Variants in CDKN2A observed in about 807,000 individuals in gnomAD.
The protein encoded by CDKN2A is cyclin-dependent kinase inhibitor 2A.
In CDKN2A, 3 loss-of-function variants were observed where a neutral mutation model predicts 11.1. The ratio of observed to expected loss-of-function variants is 0.27; its 90% confidence interval spans 0.12 to 0.70. CDKN2A has a LOEUF of 0.70. Ranked by LOEUF, CDKN2A falls within the 30% of genes least tolerant of loss-of-function variation. The probability of loss-of-function intolerance (pLI) is 0.77; values close to 1 mark genes in which losing one functional copy is unlikely to be tolerated. For missense variants in CDKN2A, 265 were observed against 233.6 expected (o/e 1.13, Z -0.88); for synonymous variants, 122 against 108.1 (o/e 1.13, Z -0.80).
chr9:21,991,692 T>A lies in CDKN2A; in HGVS notation c.-4+2190A>T, dbSNP rs1390698539. 2 of 983,370 alleles carry A rather than the reference T, an allele frequency of 2.0e-6. No individual in the cohort carries two copies. The highest frequency in any genetic ancestry group is 3.5e-5 in the African/African-American group (2 of 57,292). 60.9% of individuals were successfully genotyped at this position (983,370 alleles called of 1,614,324 possible). ...CGTGGAATAATAGATCTGTAAACCATCATAGACGGTAATAGGCTATGTTGT... is the reference window on the plus strand; with the variant it reads ...CGTGGAATAATAGATCTGTAAACCAACATAGACGGTAATAGGCTATGTTGT... On this transcript the variant is annotated intron_variant, in intron 2 of 3. Coordinates refer to the CDKN2A transcript ENST00000494262. The surrounding 1 kb of genome is among the most constrained non-coding windows in gnomAD (Gnocchi z 5.2).
In CDKN2A at chr9:21,991,060, A is replaced by T. The variant is rs186493097; in HGVS notation, c.-4+2822T>A. 6.6e-4 allele frequency among the ~76,000 whole-genome samples: 101 copies of T among 152,330 alleles called. No homozygotes were observed. The highest frequency in any genetic ancestry group is 2.3e-3 in the African/African-American group (95 of 41,564). ...TCTTAAAAATTCATATTCAATGTAA[A>T]AATTTTATATTTAGAAAATGAAACT... On this transcript the variant is annotated intron_variant, in intron 2 of 3. Coordinates refer to the CDKN2A transcript ENST00000494262. The surrounding 1 kb of genome is among the most constrained non-coding windows in gnomAD (Gnocchi z 5.2).
intron 1 of CDKN2A, among the ~76,000 whole-genome samples, chr9:21,972,022 C>T (rs1395318314): frequency 2.6e-5 from 4 of 151,836 alleles, no homozygotes; most frequent in African/African-American, 7.3e-5. Flanking sequence ...CTCCCACCCC[C>T]CAGCTCTAGT....
Position 21,974,781 on chromosome 9 carries a change from A to C in CDKN2A, c.47T>G (p.Leu16Arg), listed in dbSNP as rs864622263. The change falls in exon 1 of 3, where the codon CTG (leucine) becomes CGG (arginine). Residue 16 changes from leucine (L) to arginine (R), a missense_variant. Coordinates refer to ENST00000304494, the MANE Select transcript of CDKN2A (RefSeq NM_000077.5). This position sits in a 1 kb window ranked among gnomAD's most constrained non-coding sequence, Gnocchi z 5.2. ...CCGACCCCGGGCCGCGGCCGTGGCCAGCCAGTCAGCCGAAGGCTCCATGCT... is the reference window on the plus strand; with the variant it reads ...CCGACCCCGGGCCGCGGCCGTGGCCCGCCAGTCAGCCGAAGGCTCCATGCT... ...GSSMEPSADW[L>R]ATAAARGRVE... is the part of the protein sequence containing the mutation. 1 of 1,607,900 alleles carries C rather than the reference A, an allele frequency of 6.2e-7. No individual in the cohort carries two copies. The highest frequency in any genetic ancestry group is 8.5e-7 in the Non-Finnish European group (1 of 1,179,196).
rs200665450 is a variant in CDKN2A at position 21,981,124 on chromosome 9, G to A, written c.-3-9916C>T. 8.3e-4 allele frequency among the ~76,000 whole-genome samples: 2 copies of A among 2,412 alleles called. 1 individual carries two copies. The highest frequency in any genetic ancestry group is 0.017 in the Admixed American group (2 of 116). The allele number at this position is 2,412 out of a possible 152,430, so 1.6% of individuals were successfully genotyped here. ...TATACGTGTATATATATATATACGT[G>A]TATATATATATATACGTGTATATAT... On this transcript the variant is annotated intron_variant, in intron 2 of 3. Coordinates refer to the CDKN2A transcript ENST00000494262.
At chr9:21,992,705 C>T (rs1820455388) in intron 2 of CDKN2A, among the ~76,000 whole-genome samples, 1 of 151,850 alleles carries the variant, frequency 6.6e-6, no homozygotes, top group Non-Finnish European at 1.5e-5. Context: ...ATAATTTAAA[C>T]AAAATGATTT....
chr9:21,980,617 G>GT (rs1820148608), intron 2 of CDKN2A, among the ~76,000 whole-genome samples: 1 of 152,074 alleles, frequency 6.6e-6, no homozygotes, highest in Admixed American at 6.5e-5. Context: ...TATTAATTAA[G>GT]AAAGAAGGTT....
At chr9:21,976,603 C>T (rs891681774), upstream of CDKN2A, among the ~76,000 whole-genome samples, 1 of 151,152 alleles carries the variant, frequency 6.6e-6, no homozygotes, top group South Asian at 2.1e-4. Flanking sequence ...GTAATCCCAG[C>T]TACTCGGAGG....
intron 2 of CDKN2A, among the ~76,000 whole-genome samples, chr9:21,980,787 A>G (rs1327546899): frequency 6.6e-6 from 1 of 150,678 alleles, no homozygotes; most frequent in South Asian, 2.1e-4. Flanking sequence ...GTGAAACCCC[A>G]TCTCTACTAA....
At position 21,967,991 on chromosome 9, in the gene CDKN2A, TG is replaced by T; in HGVS notation, c.*237del. ...CAACACAGTGAAAAGGCAGAAGCGGTGTTTTTCTTTTTTACATTTTTATAAG... is the reference window on the plus strand; with the variant it reads ...CAACACAGTGAAAAGGCAGAAGCGGTTTTTTCTTTTTTACATTTTTATAAG... On this transcript the variant is annotated 3_prime_UTR_variant, in exon 3 of 3. Coordinates refer to ENST00000304494, the MANE Select transcript of CDKN2A (RefSeq NM_000077.5). 1.8e-6 allele frequency: 1 copy of T among 542,608 alleles called. No homozygotes were observed. The highest frequency in any genetic ancestry group is 3.3e-6 in the Non-Finnish European group (1 of 306,074). 33.6% of individuals were successfully genotyped at this position (542,608 alleles called of 1,614,324 possible). A position where few individuals can be genotyped will look rare whatever the true frequency, so the allele number is the denominator to read the frequency against.
At chr9:21,980,658 C>T (rs1223110729) in intron 2 of CDKN2A, among the ~76,000 whole-genome samples, 1 of 151,770 alleles carries the variant, frequency 6.6e-6, no homozygotes, top group Non-Finnish European at 1.5e-5. Flanking sequence ...TGGTAACAAC[C>T]ATCAATATAT....
intron 2 of CDKN2A, among the ~76,000 whole-genome samples, chr9:21,984,669 G>A (rs2131132437): frequency 6.6e-6 from 1 of 152,146 alleles, no homozygotes; most frequent in South Asian, 2.1e-4. Flanking sequence ...ACTACTGGGA[G>A]TGGAGGTTTA....
At chr9:21,987,353 C>T (rs1587351800) in intron 2 of CDKN2A, among the ~76,000 whole-genome samples, 2 of 147,430 alleles carry the variant, frequency 1.4e-5, no homozygotes, top group Non-Finnish European at 3.0e-5. Context: ...ATGTTTATTA[C>T]GAGCCTGGTC....
intron 2 of CDKN2A, chr9:21,993,816 T>C: frequency 2.2e-6 from 1 of 447,728 alleles, no homozygotes; most frequent in Admixed American, 3.5e-5. Context: ...TGTGTGTGTG[T>C]GTGTGTGTGT....
chr9:21,975,869 T>C (rs1820015002), upstream of CDKN2A, among the ~76,000 whole-genome samples: 1 of 152,200 alleles, frequency 6.6e-6, no homozygotes, highest in South Asian at 2.1e-4. Flanking sequence ...CTCACATTTC[T>C]CTTTCCTACT....
intron 2 of CDKN2A, among the ~76,000 whole-genome samples, chr9:21,987,152 T>A (rs1221358712): frequency 6.6e-6 from 1 of 152,006 alleles, no homozygotes; most frequent in African/African-American, 2.4e-5. Flanking sequence ...AGCTTACATT[T>A]TTCATCTATA....
At chr9:21,980,492 A>G (rs1322243118) in intron 2 of CDKN2A, among the ~76,000 whole-genome samples, 1 of 152,176 alleles carries the variant, frequency 6.6e-6, no homozygotes, top group Non-Finnish European at 1.5e-5. Flanking sequence ...AAATAAACAT[A>G]ATAAAACTAG....
chr9:21,994,124 G>C, intron 1 of CDKN2A: 1 of 1,599,392 alleles, frequency 6.3e-7, no homozygotes. Flanking sequence ...CGGACTTTTC[G>C]AGGGCCTTTC....
chr9:21,968,140 G>T lies in CDKN2A; in HGVS notation c.*89C>A. On this transcript the variant is annotated 3_prime_UTR_variant, in exon 3 of 3. Transcript: ENST00000304494. The surrounding 1 kb of genome is among the most constrained non-coding windows in gnomAD (Gnocchi z 4.7). Reference sequence around the variant, plus strand: ...AATGAAAACTACGAAAGCGGGGTGGGTTGTGGCGGGGGCAGTTGTGGCCCT... The same window carrying T: ...AATGAAAACTACGAAAGCGGGGTGGTTTGTGGCGGGGGCAGTTGTGGCCCT... 8.8e-7 allele frequency: 1 copy of T among 1,132,142 alleles called. No homozygotes were observed. The highest frequency in any genetic ancestry group is 1.4e-6 in the Non-Finnish European group (1 of 739,844). 70.1% of individuals were successfully genotyped at this position (1,132,142 alleles called of 1,614,324 possible). A position where few individuals can be genotyped will look rare whatever the true frequency, so the allele number is the denominator to read the frequency against.
In CDKN2A at chr9:21,994,263, G is replaced by T. The variant is rs374360796; in HGVS notation, c.-175-210C>A. On this transcript the variant is annotated intron_variant, in intron 1 of 3. Transcript: ENST00000494262. Reference sequence around the variant, plus strand: ...CCGTGAGCCGCGGGATGTGAACCACGAAAACCCTCACTCGCGGCGGGCCGC... The same window carrying T: ...CCGTGAGCCGCGGGATGTGAACCACTAAAACCCTCACTCGCGGCGGGCCGC... The T allele has an allele frequency of 1.2e-6, 2 of 1,605,802 alleles. No individual in the cohort carries two copies. The highest frequency in any genetic ancestry group is 1.7e-5 in the Admixed American group (1 of 59,774).
Sources: allele counts gnomAD v4.1 joint callset (sites outside exome capture counted in the v4.1 genomes callset), GRCh38; gene constraint gnomAD v4.1.1; non-coding constraint Gnocchi (gnomAD v3.1); transcripts MANE v1.5; gene names NCBI Gene and HGNC (gene_info 2026-07-23, HGNC 2026-07-21).